The following TMEFF2 variants were observed in gnomAD, a reference collection of about 807,000 sequenced individuals.
TMEFF2 encodes transmembrane protein with EGF like and two follistatin like domains 2, also known as tomoregulin-2.
A neutral mutation model predicts 53.8 loss-of-function variants in TMEFF2; 28 were observed. That is an observed-to-expected ratio of 0.52 (90% confidence interval 0.39 to 0.71). The LOEUF is 0.71. TMEFF2 is among the 30% of genes least tolerant of loss of function. TMEFF2 has a pLI of 0.00. For synonymous variants in TMEFF2, 162 were observed against 166.3 expected (o/e 0.97, Z 0.20); for missense variants, 353 against 455.2 (o/e 0.78, Z 2.04).
At chr2:191,990,760 C>T (rs887955103) in intron 7 of TMEFF2, among the ~76,000 whole-genome samples, 21 of 118,714 alleles carry the variant, frequency 1.8e-4, no homozygotes, top group African/African-American at 5.1e-4. Flanking sequence ...GATCTCTTTG[C>T]GGGGTGTGTG....
At chr2:192,081,149 CA>C (rs1688543293) in intron 4 of TMEFF2, among the ~76,000 whole-genome samples, 1 of 152,138 alleles carries the variant, frequency 6.6e-6, no homozygotes, top group Admixed American at 6.5e-5. Flanking sequence ...ACTGAAAAAG[CA>C]AAGTGATACG....
At chr2:191,995,925 A>G (rs1258741446) in intron 7 of TMEFF2, among the ~76,000 whole-genome samples, 3 of 151,958 alleles carry the variant, frequency 2.0e-5, no homozygotes, top group African/African-American at 7.2e-5. Flanking sequence ...ACACCAAACT[A>G]GAAGATCCTG....
intron 9 of TMEFF2, among the ~76,000 whole-genome samples, chr2:191,950,657 A>G (rs1691848115): frequency 6.6e-6 from 1 of 152,192 alleles, no homozygotes; most frequent in Admixed American, 6.6e-5. Context: ...CTTTGTCCTT[A>G]ACTGCTTACT....
intron 4 of TMEFF2, among the ~76,000 whole-genome samples, chr2:192,113,250 C>A (rs1689326395): frequency 6.6e-6 from 1 of 152,112 alleles, no homozygotes; most frequent in Admixed American, 6.6e-5. Context: ...TTGTATTATT[C>A]TTCTCCCAGT....
At chr2:192,071,112 G>A (rs1307232026) in intron 4 of TMEFF2, among the ~76,000 whole-genome samples, 1 of 151,882 alleles carries the variant, frequency 6.6e-6, no homozygotes, top group Non-Finnish European at 1.5e-5. Flanking sequence ...AGTAAAAAGT[G>A]TCAAATGTGT....
intron 7 of TMEFF2, among the ~76,000 whole-genome samples, chr2:191,960,523 G>T (rs900272564): frequency 9.9e-5 from 15 of 152,168 alleles, no homozygotes; most frequent in African/African-American, 3.6e-4. Flanking sequence ...TCAAACTTGT[G>T]CTGTATAGAC....
intron 4 of TMEFF2, among the ~76,000 whole-genome samples, chr2:192,173,242 T>C (rs1208537310): frequency 6.6e-6 from 1 of 151,870 alleles, no homozygotes; most frequent in African/African-American, 2.4e-5. Flanking sequence ...TATCTAAACA[T>C]TATATGTACT....
chr2:192,028,197 CT>C (rs1388765936), intron 5 of TMEFF2, among the ~76,000 whole-genome samples: 1 of 152,100 alleles, frequency 6.6e-6, no homozygotes, highest in Admixed American at 6.5e-5. Context: ...TGACTTGCTC[CT>C]CCTTGCCTTC....
intron 4 of TMEFF2, among the ~76,000 whole-genome samples, chr2:192,120,831 G>T (rs1196996258): frequency 6.6e-6 from 1 of 151,952 alleles, no homozygotes; most frequent in Non-Finnish European, 1.5e-5. Context: ...CCGCCTCCCA[G>T]GTTCAAGCGA....
intron 7 of TMEFF2, among the ~76,000 whole-genome samples, chr2:191,980,974 C>T (rs1168015410): frequency 2.0e-5 from 3 of 152,134 alleles, no homozygotes; most frequent in Non-Finnish European, 2.9e-5. Context: ...TTGCTACCAT[C>T]ATCCACAACA....
At chr2:192,183,255 A>G (rs10178189) in intron 3 of TMEFF2, among the ~76,000 whole-genome samples, 135,210 of 151,980 alleles carry the variant, frequency 0.89, 60,221 homozygotes, top group East Asian at 1. Flanking sequence ...TCACCAGTAT[A>G]ACTTAGTATT....
At chr2:191,996,862 G>T (rs538865930) in intron 7 of TMEFF2, among the ~76,000 whole-genome samples, 5 of 151,964 alleles carry the variant, frequency 3.3e-5, no homozygotes, top group African/African-American at 9.6e-5. Context: ...GACAGGGCTG[G>T]GTTAGCCACG....
intron 4 of TMEFF2, among the ~76,000 whole-genome samples, chr2:192,127,773 A>T (rs990544605): frequency 1.3e-5 from 2 of 152,204 alleles, no homozygotes; most frequent in African/African-American, 4.8e-5. Context: ...TTAAGTAATA[A>T]TATTACTTTG....
At chr2:192,156,695 C>T (rs1690514127) in intron 4 of TMEFF2, among the ~76,000 whole-genome samples, 1 of 151,972 alleles carries the variant, frequency 6.6e-6, no homozygotes, top group South Asian at 2.1e-4. Flanking sequence ...ACAAAAATCC[C>T]AGCTCTCAAA....
At chr2:192,069,031 C>T (rs781259412) in intron 4 of TMEFF2, among the ~76,000 whole-genome samples, 25 of 150,528 alleles carry the variant, frequency 1.7e-4, no homozygotes, top group South Asian at 8.4e-4. Context: ...ATGGCAAAAA[C>T]GGAATTCAGT....
intron 5 of TMEFF2, among the ~76,000 whole-genome samples, chr2:192,022,402 T>A (rs1686878391): frequency 6.6e-6 from 1 of 152,244 alleles, no homozygotes; most frequent in Non-Finnish European, 1.5e-5. Context: ...AATAACCCTG[T>A]TAGTCTATAG....
chr2:192,025,579 G>T (rs1375350035), intron 5 of TMEFF2, among the ~76,000 whole-genome samples: 1 of 152,106 alleles, frequency 6.6e-6, no homozygotes, highest in Non-Finnish European at 1.5e-5. Context: ...TTATCGTGGG[G>T]TATAAAATTC....
chr2:191,952,990 A>T (rs542089235), intron 9 of TMEFF2, among the ~76,000 whole-genome samples: 3 of 152,334 alleles, frequency 2.0e-5, no homozygotes, highest in Non-Finnish European at 4.4e-5. Flanking sequence ...CATTTTGCTT[A>T]AAGTCCAATT....
intron 4 of TMEFF2, among the ~76,000 whole-genome samples, chr2:192,130,008 G>A (rs1689776104): frequency 6.6e-6 from 1 of 152,096 alleles, no homozygotes. Flanking sequence ...ACAAATAGAT[G>A]CAAAATGTCT....
Sources: gnomAD v4.1 joint callset for allele counts (sites outside exome capture counted in the v4.1 genomes callset) on GRCh38, gnomAD v4.1.1 for gene constraint, MANE v1.5 for transcripts, NCBI Gene and HGNC (gene_info 2026-07-23, HGNC 2026-07-21) for gene names.